Variants in FUT8 observed in about 807,000 individuals in gnomAD.
FUT8 encodes fucosyltransferase 8, also known as alpha-(1,6)-fucosyltransferase.
FUT8 carries 29 observed loss-of-function variants against 71.3 expected under a neutral mutation model. That is an observed-to-expected ratio of 0.41 (90% CI 0.30 to 0.55). The LOEUF is 0.55. Ranked by LOEUF, FUT8 falls within the 20% of genes least tolerant of loss-of-function variation. The pLI is 0.34. For synonymous variants in FUT8, 254 were observed against 239.3 expected (o/e 1.06, Z -0.57); for missense variants, 544 against 702.1 (o/e 0.77, Z 2.55).
intron 2 of FUT8, among the ~76,000 whole-genome samples, chr14:65,513,655 C>CAAAAT (rs10657027): frequency 0.68 from 102,609 of 151,546 alleles, 34,985 homozygotes; most frequent in East Asian, 0.9. Context: ...AAAAACAAAA[C>CAAAAT]AAAAAATCGA....
intron 2 of FUT8, among the ~76,000 whole-genome samples, chr14:65,517,622 C>T (rs1306223924): frequency 6.6e-6 from 1 of 152,128 alleles, no homozygotes; most frequent in Non-Finnish European, 1.5e-5. Flanking sequence ...ATCATATCAA[C>T]ATGGAAATTA....
At chr14:65,385,953 A>C in the FUT8 span, among the ~76,000 whole-genome samples, 29 of 151,474 alleles carry the variant, frequency 1.9e-4, no homozygotes, top group Non-Finnish European at 4.0e-4. Flanking sequence ...GGAGTTTGAG[A>C]CCAGCCTGGC....
chr14:65,632,036 C>A (rs1890210959), intron 6 of FUT8, among the ~76,000 whole-genome samples: 1 of 152,148 alleles, frequency 6.6e-6, no homozygotes, highest in African/African-American at 2.4e-5. Context: ...TAATTCATTC[C>A]TTTTTATGGC....
chr14:65,425,259 G>A (rs1325248084), intron 1 of FUT8, among the ~76,000 whole-genome samples: 1 of 151,198 alleles, frequency 6.6e-6, no homozygotes, highest in African/African-American at 2.4e-5. Flanking sequence ...TCCACCTCCT[G>A]GGTTCAAGCG....
Position 65,512,850 on chromosome 14 carries a change from G to A in FUT8, c.-227-48487G>A, listed in dbSNP as rs146476654. ...TTGAACCTGTGAGGCGGAGGTTGCA[G>A]TGAGCCGACATCACGCCACTGCACT... On this transcript the variant is annotated intron_variant, in intron 2 of 10. Transcript: ENST00000673929. Among the ~76,000 whole-genome samples the A allele has an allele frequency of 6.0e-3, 891 of 149,208 alleles. 10 individuals are homozygous for A. Among genetic ancestry groups the A allele is most frequent in the East Asian group, 0.036 (178 of 4,970 alleles).
rs1029688278 is a variant in FUT8 at position 65,447,311 on chromosome 14, AAAAG to A, written c.-325-8305_-325-8302del. ...TCTCTCAAAAAAAAAAAAAAAACCC[AAAAG>A]AAAGTAAATTTTGTTTGAGTTTGTT... On this transcript the variant is annotated intron_variant, in intron 1 of 10. Transcript: ENST00000673929. Among the ~76,000 whole-genome samples, 29 of 150,978 alleles carry A rather than the reference AAAAG, an allele frequency of 1.9e-4. 1 individual carries two copies. The highest frequency in any genetic ancestry group is 6.4e-3 in the Middle Eastern group (2 of 314).
In FUT8 at chr14:65,489,434, G is replaced by A. The variant is rs1048402844; in HGVS notation, c.-228+33716G>A. On this transcript the variant is annotated intron_variant, in intron 2 of 10. Transcript: ENST00000673929. This position sits in a 1 kb window ranked among gnomAD's most constrained non-coding sequence, Gnocchi z 4.0. The stretch of plus-strand genomic sequence containing the variant: ...TTTATTTCTCCCTAAAAGTATTGAT[G>A]TTTTTATAGGAATCTCTGCTATCCA... 6.6e-6 allele frequency among the ~76,000 whole-genome samples: 1 copy of A among 152,028 alleles called. No individual in the cohort carries two copies. The highest frequency in any genetic ancestry group is 1.9e-4 in the East Asian group (1 of 5,174).
intron 2 of FUT8, among the ~76,000 whole-genome samples, chr14:65,559,053 A>G (rs1885758644): frequency 1.3e-5 from 2 of 152,156 alleles, no homozygotes; most frequent in African/African-American, 2.4e-5. Context: ...TTCAAAATGT[A>G]TGTTTCTGTA....
At chr14:65,623,304 A>G (rs1258447601) in intron 5 of FUT8, among the ~76,000 whole-genome samples, 2 of 152,110 alleles carry the variant, frequency 1.3e-5, no homozygotes, top group African/African-American at 4.8e-5. Context: ...TAGTTTTATG[A>G]CTATTGAAAT....
At chr14:65,479,252 A>G (rs1377803107) in intron 2 of FUT8, among the ~76,000 whole-genome samples, 1 of 152,242 alleles carries the variant, frequency 6.6e-6, no homozygotes, top group Non-Finnish European at 1.5e-5. Context: ...ATGTAAATGT[A>G]TGCAAACAAT....
chr14:65,511,213 T>C (rs558438884), intron 2 of FUT8, among the ~76,000 whole-genome samples: 1 of 152,286 alleles, frequency 6.6e-6, no homozygotes, highest in East Asian at 1.9e-4. Flanking sequence ...TTTGTATAGT[T>C]TCCAAAATTC....
the FUT8 span, among the ~76,000 whole-genome samples, chr14:65,387,509 T>C: frequency 5.8e-3 from 886 of 152,320 alleles, 7 homozygotes; most frequent in African/African-American, 0.02. Context: ...CTAGCTCTTT[T>C]TGTGCAGCTG....
intron 3 of FUT8, 21 bp downstream of exon 3, chr14:65,561,787 T>A: frequency 6.3e-7 from 1 of 1,582,206 alleles, no homozygotes; most frequent in Non-Finnish European, 8.7e-7. Flanking sequence ...AAATACTGAA[T>A]GAAGAATGAT....
At chr14:65,586,073 T>A (rs1333807756) in intron 3 of FUT8, among the ~76,000 whole-genome samples, 1 of 151,950 alleles carries the variant, frequency 6.6e-6, no homozygotes, top group Non-Finnish European at 1.5e-5. Context: ...AAGAGAAAAA[T>A]TATTCAAAAT....
chr14:65,700,024 A>C (rs1431976823), intron 7 of FUT8, among the ~76,000 whole-genome samples: 1 of 152,174 alleles, frequency 6.6e-6, no homozygotes, highest in Non-Finnish European at 1.5e-5. Flanking sequence ...CAATACTGCA[A>C]GGAAAAGAAA....
At chr14:65,691,398 A>G (rs1893582007) in intron 7 of FUT8, among the ~76,000 whole-genome samples, 1 of 151,064 alleles carries the variant, frequency 6.6e-6, no homozygotes, top group South Asian at 2.1e-4. Context: ...GGCTGTTTGT[A>G]GATGTTCTTT....
At position 65,627,750 on chromosome 14, in the gene FUT8, A is replaced by T. The variant is rs563553261; in HGVS notation, c.483-1742A>T. 7.0e-4 allele frequency among the ~76,000 whole-genome samples: 107 copies of T among 152,338 alleles called. No homozygotes were observed. Among genetic ancestry groups the T allele is most frequent in the African/African-American group, 2.5e-3 (106 of 41,586 alleles). Reference sequence around the variant, plus strand: ...TTAGTACGCGTTTGAGCCAACTCACACAACTCTTGAAAACTTATCAGGAAG... The same window carrying T: ...TTAGTACGCGTTTGAGCCAACTCACTCAACTCTTGAAAACTTATCAGGAAG... On this transcript the variant is annotated intron_variant, in intron 5 of 10. Transcript: ENST00000673929. The surrounding 1 kb of genome is among the most constrained non-coding windows in gnomAD (Gnocchi z 4.0).
the FUT8 span, among the ~76,000 whole-genome samples, chr14:65,378,552 C>CA: frequency 6.6e-6 from 1 of 152,128 alleles, no homozygotes; most frequent in African/African-American, 2.4e-5. Context: ...CAGGTGATGT[C>CA]ACCCATAAAG....
chr14:65,361,830 A>G, the FUT8 span, among the ~76,000 whole-genome samples: 4 of 152,026 alleles, frequency 2.6e-5, no homozygotes, highest in African/African-American at 7.2e-5. Context: ...AAATAAATAA[A>G]TAAATAAATT....
Sources: allele counts gnomAD v4.1 joint callset (sites outside exome capture counted in the v4.1 genomes callset), GRCh38; gene constraint gnomAD v4.1.1; non-coding constraint Gnocchi (gnomAD v3.1); transcripts MANE v1.5; gene names NCBI Gene and HGNC (gene_info 2026-07-23, HGNC 2026-07-21).